The following MED12L variants were observed in gnomAD, a reference collection of about 807,000 sequenced individuals.
MED12L encodes mediator complex subunit 12L.
A neutral mutation model predicts 281.3 loss-of-function variants in MED12L; 60 were observed. The ratio of observed to expected loss-of-function variants is 0.21; its 90% CI spans 0.17 to 0.26. The LOEUF (loss-of-function observed/expected upper bound fraction) is 0.26. Among genes scored for constraint, MED12L ranks in the 10% least tolerant of loss-of-function variants. The pLI, the probability that MED12L is intolerant of heterozygous loss-of-function variation, is 1.00. For synonymous variants in MED12L, 974 were observed against 987.2 expected, an observed-to-expected ratio of 0.99 and a Z score of 0.25; for missense variants, 2,146 against 2,680.9, an observed-to-expected ratio of 0.80 and a Z score of 4.41.
Position 151,124,868 on chromosome 3 carries a change from C to T in MED12L, c.396+1894C>T, listed in dbSNP as rs550972476. Among the ~76,000 whole-genome samples, 201 of 152,348 alleles carry T rather than the reference C, an allele frequency of 1.3e-3. 1 individual carries two copies. Among genetic ancestry groups the T allele is most frequent in the Non-Finnish European group, 2.2e-3 (150 of 68,026 alleles). ...TTCCAGGTCTTGAGCAGTTCATTAA[C>T]TCTCACCTGTTCCCTTCAGGTGACT... On this transcript the variant is annotated intron_variant, in intron 4 of 44. Coordinates refer to ENST00000687756, the MANE Select transcript of MED12L (RefSeq NM_001393769.1).
intron 5 of MED12L, among the ~76,000 whole-genome samples, chr3:151,139,642 G>A (rs896416137): frequency 2.0e-5 from 3 of 152,188 alleles, no homozygotes; most frequent in Admixed American, 1.3e-4. Flanking sequence ...GGAGAAATAT[G>A]TAAGCAAGGT....
intron 12 of MED12L, among the ~76,000 whole-genome samples, chr3:151,187,426 TG>T (rs1295143358): frequency 3.9e-5 from 6 of 152,232 alleles, no homozygotes; most frequent in African/African-American, 1.4e-4. Flanking sequence ...TATCTAAAAA[TG>T]TATTCTTTCA....
intron 40 of MED12L, 96 bp downstream of exon 40, chr3:151,409,428 G>T (rs1213563751): frequency 3.9e-5 from 40 of 1,019,502 alleles, no homozygotes; most frequent in Admixed American, 1.6e-4. Context: ...CTCCCTATAG[G>T]GTCTAGAACT....
intron 16 of MED12L, among the ~76,000 whole-genome samples, chr3:151,251,022 C>T (rs148006040): frequency 5.9e-5 from 9 of 152,288 alleles, no homozygotes; most frequent in Non-Finnish European, 1.3e-4. Flanking sequence ...TGATGATTCT[C>T]TCTGTGGTAC....
intron 16 of MED12L, among the ~76,000 whole-genome samples, chr3:151,205,681 G>A (rs570112353): frequency 1.3e-5 from 2 of 152,128 alleles, no homozygotes; most frequent in African/African-American, 4.8e-5. Flanking sequence ...TTACAGATGG[G>A]GAAACTGTGG....
At chr3:151,179,927 G>A (rs1194103027) in intron 11 of MED12L, among the ~76,000 whole-genome samples, 1 of 152,170 alleles carries the variant, frequency 6.6e-6, no homozygotes, top group Non-Finnish European at 1.5e-5. Flanking sequence ...AGGCGCAGAA[G>A]CTGTCTATTC....
chr3:151,288,751 A>G (rs957557519), intron 16 of MED12L, among the ~76,000 whole-genome samples: 2 of 152,228 alleles, frequency 1.3e-5, no homozygotes, highest in Non-Finnish European at 2.9e-5. Flanking sequence ...ATTTAGTTAA[A>G]TAATACCAGT....
intron 16 of MED12L, among the ~76,000 whole-genome samples, chr3:151,201,978 A>C (rs916485918): frequency 6.6e-5 from 10 of 152,256 alleles, no homozygotes; most frequent in African/African-American, 2.4e-4. Context: ...AAAGAGAAGA[A>C]TTAGAGTAAT....
chr3:151,338,395 A>G, intron 16 of MED12L: 1 of 1,614,180 alleles, frequency 6.2e-7, no homozygotes, highest in Non-Finnish European at 8.5e-7. Context: ...AAGAACATGA[A>G]TGCCCAGATG....
At chr3:151,214,704 GTC>G (rs1341127508) in intron 16 of MED12L, among the ~76,000 whole-genome samples, 1 of 152,082 alleles carries the variant, frequency 6.6e-6, no homozygotes, top group African/African-American at 2.4e-5. Flanking sequence ...CAGCAGGGCA[GTC>G]TCTGAGAACT....
chr3:151,363,017 A>G (rs981457877), intron 21 of MED12L, among the ~76,000 whole-genome samples: 3 of 152,040 alleles, frequency 2.0e-5, no homozygotes, highest in Admixed American at 1.3e-4. Flanking sequence ...AGACAGCCCC[A>G]GTAGCCTATT....
chr3:151,186,337 A>G (rs976679544), intron 12 of MED12L, among the ~76,000 whole-genome samples: 1 of 152,026 alleles, frequency 6.6e-6, no homozygotes, highest in African/African-American at 2.4e-5. Context: ...TGCTTCCTCT[A>G]CACAGCAACT....
At chr3:151,334,048 G>A (rs1469469549) in intron 16 of MED12L, among the ~76,000 whole-genome samples, 1 of 151,966 alleles carries the variant, frequency 6.6e-6, no homozygotes, top group East Asian at 1.9e-4. Context: ...CTGCACTCCA[G>A]CCTGGGTGAC....
At chr3:151,265,493 C>T (rs768875129) in intron 16 of MED12L, among the ~76,000 whole-genome samples, 2 of 152,110 alleles carry the variant, frequency 1.3e-5, no homozygotes, top group African/African-American at 2.4e-5. Flanking sequence ...TCTTTATTCT[C>T]AACTGCCCAC....
chr3:151,144,883 G>A (rs1201942232), intron 5 of MED12L, among the ~76,000 whole-genome samples: 4 of 152,222 alleles, frequency 2.6e-5, no homozygotes, highest in South Asian at 2.1e-4. Context: ...TACCTGCAGC[G>A]GTTGTCCTTA....
intron 16 of MED12L, among the ~76,000 whole-genome samples, chr3:151,241,317 G>C (rs562970611): frequency 3.2e-4 from 49 of 152,258 alleles, no homozygotes; most frequent in African/African-American, 1.1e-3. Flanking sequence ...ATATGTATTT[G>C]TATCAATATC....
chr3:151,307,177 C>A (rs1746767003), intron 16 of MED12L, among the ~76,000 whole-genome samples: 2 of 152,094 alleles, frequency 1.3e-5, no homozygotes, highest in African/African-American at 4.8e-5. Context: ...CAGTTTAAGC[C>A]TGACTTTATG....
At chr3:151,375,079 T>TA (rs1457644811) in intron 27 of MED12L, among the ~76,000 whole-genome samples, 1 of 152,238 alleles carries the variant, frequency 6.6e-6, no homozygotes, top group Non-Finnish European at 1.5e-5. Context: ...GAGAGGCAAT[T>TA]GTGTGTTGGT....
At chr3:151,115,919 A>G (rs1442897348) in intron 2 of MED12L, among the ~76,000 whole-genome samples, 5 of 151,692 alleles carry the variant, frequency 3.3e-5, no homozygotes, top group Non-Finnish European at 7.4e-5. Context: ...TTAGCCGGGC[A>G]TCGTGGCAGG....
Sources: allele counts gnomAD v4.1 joint callset (sites outside exome capture counted in the v4.1 genomes callset), GRCh38; gene constraint gnomAD v4.1.1; transcripts MANE v1.5; gene names NCBI Gene and HGNC (gene_info 2026-07-23, HGNC 2026-07-21).